Variants in CNTNAP2 observed in about 807,000 individuals in gnomAD.
CNTNAP2 encodes contactin-associated protein-like 2.
CNTNAP2 carries 98 observed loss-of-function variants against 155.2 expected under a neutral mutation model. The observed-to-expected ratio is 0.63, with a 90% CI of 0.54 to 0.75. The LOEUF (loss-of-function observed/expected upper bound fraction) is 0.75. Ranked by LOEUF, CNTNAP2 falls within the 30% of genes least tolerant of loss-of-function variation. The pLI, the probability that CNTNAP2 is intolerant of heterozygous loss-of-function variation, is 0.00. For missense variants in CNTNAP2, 1,727 were observed against 1,688.1 expected (o/e 1.02, Z -0.40); for synonymous variants, 651 against 631.2 (o/e 1.03, Z -0.47).
At position 148,341,141 on chromosome 7, in the gene CNTNAP2, C is replaced by T. The variant is rs370564817; in HGVS notation, c.3476-42508C>T. Among the ~76,000 whole-genome samples, 93 of 152,336 alleles carry T rather than the reference C, an allele frequency of 6.1e-4. 1 individual carries two copies. The highest frequency in any genetic ancestry group is 2.1e-3 in the African/African-American group (88 of 41,576). The stretch of plus-strand genomic sequence containing the variant: ...AAGACCTGAACTACCACAGGTCTAA[C>T]TTGGGAAAGCCTCATTCCTCACGTT... On this transcript the variant is annotated intron_variant, in intron 21 of 23. Transcript: ENST00000361727.
At chr7:146,613,881 A>G (rs1799181619) in intron 1 of CNTNAP2, among the ~76,000 whole-genome samples, 1 of 152,214 alleles carries the variant, frequency 6.6e-6, no homozygotes, top group South Asian at 2.1e-4. Flanking sequence ...CCTCTAAACT[A>G]CGTGTTCCAA....
chr7:148,363,789 A>G (rs565518095), intron 21 of CNTNAP2, among the ~76,000 whole-genome samples: 14 of 151,258 alleles, frequency 9.3e-5, no homozygotes, highest in African/African-American at 3.4e-4. Context: ...GCTGGAGCCC[A>G]CTCCCTCAGC....
intron 9 of CNTNAP2, among the ~76,000 whole-genome samples, chr7:147,380,353 G>C (rs953540321): frequency 1.3e-5 from 2 of 151,984 alleles, no homozygotes; most frequent in Admixed American, 6.6e-5. Flanking sequence ...CTAGCATCAC[G>C]CTTCATCAAT....
At chr7:147,058,596 C>T (rs910053100) in intron 4 of CNTNAP2, among the ~76,000 whole-genome samples, 6 of 148,042 alleles carry the variant, frequency 4.1e-5, no homozygotes, top group Admixed American at 6.7e-5. Flanking sequence ...CTTTTTTGTT[C>T]GTTTGTTTTG....
At chr7:147,423,574 G>T in intron 10 of CNTNAP2, among the ~76,000 whole-genome samples, 1 of 152,198 alleles carries the variant, frequency 6.6e-6, no homozygotes, top group Non-Finnish European at 1.5e-5. Context: ...TTTAATGCCT[G>T]GTTCACTGCT....
chr7:147,519,521 A>T (rs1026035932), intron 11 of CNTNAP2, among the ~76,000 whole-genome samples: 15 of 152,226 alleles, frequency 9.9e-5, no homozygotes, highest in African/African-American at 3.6e-4. Context: ...GGAAGTCATT[A>T]TTCTGCCTAC....
intron 1 of CNTNAP2, among the ~76,000 whole-genome samples, chr7:146,614,639 ATGT>A (rs1799194542): frequency 6.6e-6 from 1 of 152,324 alleles, no homozygotes; most frequent in Admixed American, 6.5e-5. Flanking sequence ...GTCTTGTCAA[ATGT>A]TGTGCTTGCA....
At chr7:147,822,198 C>T (rs1257090253) in intron 13 of CNTNAP2, among the ~76,000 whole-genome samples, 5 of 151,956 alleles carry the variant, frequency 3.3e-5, no homozygotes, top group Non-Finnish European at 1.5e-5. Context: ...TACTCACCTC[C>T]CCACCTCACT....
intron 8 of CNTNAP2, among the ~76,000 whole-genome samples, chr7:147,231,952 G>A (rs1803690285): frequency 6.6e-6 from 1 of 152,040 alleles, no homozygotes; most frequent in African/African-American, 2.4e-5. Flanking sequence ...GTTTTATATA[G>A]TCCTGCTTGT....
chr7:147,710,511 CA>C (rs1212444997), intron 13 of CNTNAP2, among the ~76,000 whole-genome samples: 1 of 152,158 alleles, frequency 6.6e-6, no homozygotes, highest in East Asian at 1.9e-4. Context: ...TCAGCTTAAG[CA>C]TTACTTCCTA....
At chr7:147,980,353 G>C (rs1801500222) in intron 15 of CNTNAP2, among the ~76,000 whole-genome samples, 1 of 152,082 alleles carries the variant, frequency 6.6e-6, no homozygotes, top group South Asian at 2.1e-4. Flanking sequence ...AACATTTTTA[G>C]AACCTATTAT....
intron 15 of CNTNAP2, among the ~76,000 whole-genome samples, chr7:148,075,254 T>C (rs993768097): frequency 1.3e-5 from 2 of 152,216 alleles, no homozygotes; most frequent in Non-Finnish European, 2.9e-5. Context: ...CTGGCCAACA[T>C]GGTGAAACCC....
chr7:147,504,782 A>T (rs926074089), intron 11 of CNTNAP2, among the ~76,000 whole-genome samples: 1 of 150,858 alleles, frequency 6.6e-6, no homozygotes, highest in Non-Finnish European at 1.5e-5. Context: ...TTATATCGAG[A>T]TTGTATTTTT....
chr7:147,708,965 G>T (rs1262592403), intron 13 of CNTNAP2, among the ~76,000 whole-genome samples: 2 of 152,060 alleles, frequency 1.3e-5, no homozygotes, highest in African/African-American at 4.8e-5. Context: ...ATTAGATAAG[G>T]CCCAAGCTAA....
chr7:146,822,697 A>G (rs1803312312), intron 2 of CNTNAP2, among the ~76,000 whole-genome samples: 2 of 147,172 alleles, frequency 1.4e-5, no homozygotes, highest in African/African-American at 2.5e-5. Flanking sequence ...TTATATATAA[A>G]TATTCTTAAG....
At chr7:147,128,565 G>A in intron 6 of CNTNAP2, 128 bp from the exon 7 acceptor site, 2 of 988,622 alleles carry the variant, frequency 2.0e-6, no homozygotes. Flanking sequence ...AGATTTTGGA[G>A]GCAGAATGCT....
At chr7:146,765,807 T>C (rs563226758) in intron 1 of CNTNAP2, among the ~76,000 whole-genome samples, 6 of 152,246 alleles carry the variant, frequency 3.9e-5, no homozygotes, top group African/African-American at 1.4e-4. Context: ...AAGGTAGTAT[T>C]TGCGTCAGAA....
chr7:146,405,321 A>C (rs868769803), intron 1 of CNTNAP2, among the ~76,000 whole-genome samples: 3 of 152,182 alleles, frequency 2.0e-5, no homozygotes, highest in African/African-American at 7.2e-5. Context: ...AAGAATCCTT[A>C]CATTATGAAA....
At chr7:147,174,152 G>A (rs1802288438) in intron 8 of CNTNAP2, among the ~76,000 whole-genome samples, 1 of 152,004 alleles carries the variant, frequency 6.6e-6, no homozygotes, top group South Asian at 2.1e-4. Context: ...GCATTATACT[G>A]TAGTTTTTCT....
Sources: gnomAD v4.1 joint callset for allele counts (sites outside exome capture counted in the v4.1 genomes callset) on GRCh38, gnomAD v4.1.1 for gene constraint, MANE v1.5 for transcripts, NCBI Gene and HGNC (gene_info 2026-07-23, HGNC 2026-07-21) for gene names.